Variants in PCCA observed in about 807,000 individuals in gnomAD.
PCCA encodes propionyl-CoA carboxylase subunit alpha, also known as propionyl-CoA carboxylase alpha chain, mitochondrial.
PCCA carries 74 observed loss-of-function variants against 101.3 expected under a neutral mutation model. The ratio of observed to expected loss-of-function variants is 0.73; its 90% CI spans 0.61 to 0.89. The LOEUF is 0.89. Ranked by LOEUF, PCCA falls within the 40% of genes least tolerant of loss-of-function variation. PCCA has a pLI of 0.00. For synonymous variants in PCCA, 294 were observed against 313.6 expected (o/e 0.94, Z 0.66); for missense variants, 891 against 907.0 (o/e 0.98, Z 0.23).
At chr13:100,520,501 G>A (rs914575962) in intron 22 of PCCA, among the ~76,000 whole-genome samples, 150 of 151,824 alleles carry the variant, frequency 9.9e-4, no homozygotes, top group Middle Eastern at 3.4e-3. Context: ...CGGGCGCAGT[G>A]GCGGGCGCCT....
chr13:100,307,147 C>T, intron 14 of PCCA, 45 bp from the exon 15 acceptor site: 1 of 1,376,794 alleles, frequency 7.3e-7, no homozygotes, highest in Non-Finnish European at 1.0e-6. Flanking sequence ...AAAAAAATAT[C>T]TACACAATAT....
At chr13:100,279,765 C>T (rs185359470) in intron 12 of PCCA, among the ~76,000 whole-genome samples, 7 of 152,234 alleles carry the variant, frequency 4.6e-5, no homozygotes, top group East Asian at 1.9e-4. Context: ...TGAGCCACCG[C>T]GCCTGGCCCA....
chr13:100,291,389 G>A (rs1270007340), intron 12 of PCCA, among the ~76,000 whole-genome samples: 2 of 152,208 alleles, frequency 1.3e-5, no homozygotes, highest in Non-Finnish European at 2.9e-5. Flanking sequence ...AGGGGTCCTG[G>A]GACCAATCCC....
At chr13:100,417,751 A>C (rs1444353409) in intron 19 of PCCA, among the ~76,000 whole-genome samples, 1 of 152,078 alleles carries the variant, frequency 6.6e-6, no homozygotes, top group Non-Finnish European at 1.5e-5. Flanking sequence ...CTTTCAGACC[A>C]ACAGCCTTTT....
intron 11 of PCCA, among the ~76,000 whole-genome samples, chr13:100,270,380 CAT>C (rs946897150): frequency 3.9e-5 from 6 of 152,194 alleles, no homozygotes; most frequent in African/African-American, 9.7e-5. Flanking sequence ...CTTCAACACA[CAT>C]GTCTTGCAAT....
At position 100,384,578 on chromosome 13, in the gene PCCA, G is replaced by A. The variant is rs555412300; in HGVS notation, c.1746+16004G>A. Among the ~76,000 whole-genome samples the A allele has an allele frequency of 2.0e-5, 3 of 152,138 alleles. No individual in the cohort carries two copies. In the South Asian group the frequency reaches 6.2e-4, roughly 32 times the overall value. ...TATGAAGTTACTGGAATTTTTATAG[G>A]AACATGATAAGAATCATGTGGTTCT... On this transcript the variant is annotated intron_variant, in intron 19 of 23. Coordinates refer to ENST00000376285, the MANE Select transcript of PCCA (RefSeq NM_000282.4).
chr13:100,093,678 C>T (rs1357478288), intron 1 of PCCA, among the ~76,000 whole-genome samples: 1 of 152,142 alleles, frequency 6.6e-6, no homozygotes, highest in African/African-American at 2.4e-5. Flanking sequence ...CTTTGGGAGG[C>T]CAAAGTGGGA....
chr13:100,505,925 C>T (rs760479563), intron 21 of PCCA, among the ~76,000 whole-genome samples: 4 of 147,260 alleles, frequency 2.7e-5, no homozygotes, highest in Non-Finnish European at 5.9e-5. Context: ...TTGGAAAGGA[C>T]ACAGGAAATA....
rs554280048 is a variant in PCCA, at chr13:100,529,189, C to T, written c.2119-909C>T. 1.5e-3 allele frequency among the ~76,000 whole-genome samples: 221 copies of T among 152,234 alleles called. 1 individual carries two copies. Among genetic ancestry groups the T allele is most frequent in the Admixed American group, 2.3e-3 (35 of 15,280 alleles). On this transcript the variant is annotated intron_variant, in intron 23 of 23. Transcript: ENST00000376285. Reference sequence around the variant, plus strand: ...AGTAGCAGGCCCTGGTTCCTACCTGCGAGGCCACTTTTCCTCCCAGAGAAA... The same window carrying T: ...AGTAGCAGGCCCTGGTTCCTACCTGTGAGGCCACTTTTCCTCCCAGAGAAA...
At chr13:100,188,461 A>C (rs897318234) in intron 6 of PCCA, among the ~76,000 whole-genome samples, 1 of 151,998 alleles carries the variant, frequency 6.6e-6, no homozygotes, top group African/African-American at 2.4e-5. Flanking sequence ...TCGTCAATTG[A>C]TGGGTATTTG....
chr13:100,302,124 C>A (rs1278491420), intron 13 of PCCA, among the ~76,000 whole-genome samples: 3 of 151,778 alleles, frequency 2.0e-5, no homozygotes, highest in Non-Finnish European at 4.4e-5. Flanking sequence ...AAAACATGTA[C>A]TCTTAATTTA....
At chr13:100,403,722 A>AG (rs990471298) in intron 19 of PCCA, among the ~76,000 whole-genome samples, 5 of 152,074 alleles carry the variant, frequency 3.3e-5, no homozygotes, top group African/African-American at 1.2e-4. Context: ...TTGGGTGAAA[A>AG]GGAAAAAAAA....
At chr13:100,373,500 A>G (rs1220210299) in intron 19 of PCCA, among the ~76,000 whole-genome samples, 1 of 152,228 alleles carries the variant, frequency 6.6e-6, no homozygotes, top group African/African-American at 2.4e-5. Context: ...CAGGCGCAAA[A>G]GGACAAATAC....
At chr13:100,407,465 A>C (rs1024633248) in intron 19 of PCCA, among the ~76,000 whole-genome samples, 2 of 152,252 alleles carry the variant, frequency 1.3e-5, no homozygotes, top group African/African-American at 4.8e-5. Context: ...ATGACTCAGA[A>C]GTTTTAAATA....
At chr13:100,091,722 C>T (rs1284234319) in intron 1 of PCCA, among the ~76,000 whole-genome samples, 2 of 152,056 alleles carry the variant, frequency 1.3e-5, no homozygotes, top group African/African-American at 2.4e-5. Flanking sequence ...AGCCAGTCAA[C>T]AGAGTTTATT....
chr13:100,491,796 A>C, intron 21 of PCCA: 2 of 1,126,038 alleles, frequency 1.8e-6, no homozygotes, highest in African/African-American at 1.7e-5. Context: ...TTAAATCTCC[A>C]ATAAATGTAA....
At chr13:100,354,941 T>A (rs1418434609) in intron 18 of PCCA, among the ~76,000 whole-genome samples, 1 of 152,190 alleles carries the variant, frequency 6.6e-6, no homozygotes, top group Non-Finnish European at 1.5e-5. Context: ...CCTCACAAAC[T>A]CTTCCAAAAT....
At chr13:100,209,208 C>T in intron 6 of PCCA, 124 bp from the exon 7 acceptor site, 2 of 792,212 alleles carry the variant, frequency 2.5e-6, no homozygotes, top group East Asian at 2.5e-5. Context: ...GGCTCAAAAA[C>T]TGTTGTTTCT....
chr13:100,520,443 C>T (rs901782068), intron 22 of PCCA, among the ~76,000 whole-genome samples: 53 of 151,866 alleles, frequency 3.5e-4, no homozygotes, highest in African/African-American at 9.4e-4. Flanking sequence ...GTCAGGAGAT[C>T]GAGACCACGG....
Sources: allele counts gnomAD v4.1 joint callset (sites outside exome capture counted in the v4.1 genomes callset), GRCh38; gene constraint gnomAD v4.1.1; transcripts MANE v1.5; gene names NCBI Gene and HGNC (gene_info 2026-07-23, HGNC 2026-07-21).